The following P2RX7 variants were observed in gnomAD, a reference collection of about 807,000 sequenced individuals.
P2RX7 encodes purinergic receptor P2X 7.
A neutral mutation model predicts 71.6 loss-of-function variants in P2RX7; 62 were observed. The ratio of observed to expected loss-of-function variants is 0.87; its 90% CI spans 0.71 to 1.07. The LOEUF (loss-of-function observed/expected upper bound fraction) is 1.07. Ranked by LOEUF, P2RX7 falls within the 50% of genes least tolerant of loss-of-function variation. The pLI, the probability that P2RX7 is intolerant of heterozygous loss-of-function variation, is 0.00. For missense variants in P2RX7, 686 were observed against 748.5 expected, an observed-to-expected ratio of 0.92 and a Z score of 0.97; for synonymous variants, 299 against 283.3, an observed-to-expected ratio of 1.06 and a Z score of -0.56.
intron 9 of P2RX7, 75 bp from the exon 10 acceptor site, chr12:121,177,072 C>T: frequency 7.6e-7 from 1 of 1,319,764 alleles, no homozygotes; most frequent in African/African-American, 1.4e-5. Flanking sequence ...CCTGATAGAA[C>T]CAACAATTGC....
intron 8 of P2RX7, among the ~76,000 whole-genome samples, chr12:121,169,090 T>A (rs1881675291): frequency 1.3e-5 from 2 of 152,014 alleles, no homozygotes; most frequent in Admixed American, 1.3e-4. Flanking sequence ...CTCAGCCTCC[T>A]GAGTAGCTAG....
chr12:121,156,769 C>T (rs564645381), intron 3 of P2RX7, among the ~76,000 whole-genome samples: 45 of 152,300 alleles, frequency 3.0e-4, no homozygotes, highest in African/African-American at 1.0e-3. Flanking sequence ...GACTCCCTGC[C>T]ACCACCCCAG....
At chr12:121,147,847 A>G (rs1593025377) in intron 1 of P2RX7, among the ~76,000 whole-genome samples, 1 of 152,208 alleles carries the variant, frequency 6.6e-6, no homozygotes, top group Middle Eastern at 3.4e-3. Context: ...TCCTGGCCTC[A>G]ATTAATCTGC....
At chr12:121,183,726 C>T (rs2686381) in intron 12 of P2RX7, among the ~76,000 whole-genome samples, 2,144 of 152,040 alleles carry the variant, frequency 0.014, 47 homozygotes, top group African/African-American at 0.048. Flanking sequence ...CAAGAGGTGA[C>T]ATCTCAACAG....
At chr12:121,170,527 C>T (rs1881969132) in intron 8 of P2RX7, among the ~76,000 whole-genome samples, 1 of 152,198 alleles carries the variant, frequency 6.6e-6, no homozygotes, top group Non-Finnish European at 1.5e-5. Flanking sequence ...GTAATCCCAA[C>T]ACTTTGGGAG....
At chr12:121,155,179 C>T in intron 2 of P2RX7, 6 of 1,489,390 alleles carry the variant, frequency 4.0e-6, no homozygotes, top group Middle Eastern at 1.8e-4. Context: ...AAAATAGCCT[C>T]ATGTCCTGGT....
intron 3 of P2RX7, among the ~76,000 whole-genome samples, chr12:121,156,868 T>C (rs775291034): frequency 2.0e-5 from 3 of 152,182 alleles, no homozygotes; most frequent in African/African-American, 7.2e-5. Context: ...TTTGTTTTAT[T>C]CTGGGCTAGG....
intron 3 of P2RX7, among the ~76,000 whole-genome samples, chr12:121,160,124 C>G (rs1038643698): frequency 8.1e-5 from 12 of 148,744 alleles, no homozygotes; most frequent in African/African-American, 3.0e-4. Context: ...TTCTTTCTTT[C>G]TTTTTCTTTC....
intron 11 of P2RX7, among the ~76,000 whole-genome samples, chr12:121,177,687 CATTTATTTATTTATTT>C (rs140201550): frequency 0.024 from 3,352 of 142,422 alleles, 109 homozygotes; most frequent in African/African-American, 0.075. Flanking sequence ...CCAATTTTGT[CATTTATTTATTTATTT>C]ATTTATTTAT....
intron 11 of P2RX7, among the ~76,000 whole-genome samples, chr12:121,180,147 C>CA (rs60397642): frequency 0.064 from 4,137 of 64,264 alleles, 399 homozygotes; most frequent in African/African-American, 0.2. Flanking sequence ...AACTCCAACT[C>CA]AAAAAAAAAA....
rs566391480 is a variant in P2RX7, at chr12:121,143,470, C to T, written c.125+10375C>T. Among the ~76,000 whole-genome samples, 182 of 151,894 alleles carry T rather than the reference C, an allele frequency of 1.2e-3. 1 individual carries two copies. Among genetic ancestry groups the T allele is most frequent in the Non-Finnish European group, 2.2e-3 (146 of 67,894 alleles). On this transcript the variant is annotated intron_variant, in intron 1 of 12. Transcript: ENST00000328963. Reference sequence around the variant, plus strand: ...TGGGAAGGCTGAGGTGGGAGGATTGCTTGATCCTGGGAGGTTGAGGCTGCA... The same window carrying T: ...TGGGAAGGCTGAGGTGGGAGGATTGTTTGATCCTGGGAGGTTGAGGCTGCA...
At chr12:121,143,454 T>C (rs957255677) in intron 1 of P2RX7, among the ~76,000 whole-genome samples, 3 of 151,290 alleles carry the variant, frequency 2.0e-5, no homozygotes, top group Non-Finnish European at 2.9e-5. Flanking sequence ...CTGGGAAGGC[T>C]GAGGTGGGAG....
intron 1 of P2RX7, among the ~76,000 whole-genome samples, chr12:121,143,796 G>A (rs889536876): frequency 6.6e-6 from 1 of 152,162 alleles, no homozygotes; most frequent in Admixed American, 6.6e-5. Flanking sequence ...AGGTTGCAGT[G>A]AGCCGAGGTC....
chr12:121,142,181 T>G (rs1875038813), intron 1 of P2RX7, among the ~76,000 whole-genome samples: 1 of 152,224 alleles, frequency 6.6e-6, no homozygotes, highest in Admixed American at 6.5e-5. Flanking sequence ...CAGTGGAAAC[T>G]AATACAGTCC....
intron 12 of P2RX7, among the ~76,000 whole-genome samples, chr12:121,182,151 A>C (rs932843297): frequency 9.9e-5 from 15 of 151,100 alleles, no homozygotes; most frequent in Admixed American, 8.6e-4. Context: ...GTACTGATTG[A>C]TTTTCAAATA....
At chr12:121,152,600 A>G (rs1877679386) in intron 1 of P2RX7, among the ~76,000 whole-genome samples, 1 of 152,024 alleles carries the variant, frequency 6.6e-6, no homozygotes, top group Admixed American at 6.5e-5. Flanking sequence ...GCTCACCACA[A>G]CCTCCATCTC....
At chr12:121,156,035 C>G (rs1878502583) in intron 2 of P2RX7, 44 bp from the exon 3 acceptor site, 1 of 1,528,784 alleles carries the variant, frequency 6.5e-7, no homozygotes, top group East Asian at 2.2e-5. Context: ...AAGTAGTTCT[C>G]TTTTCAAAGG....
chr12:121,181,201 T>G (rs888859553), intron 12 of P2RX7, among the ~76,000 whole-genome samples: 1 of 152,190 alleles, frequency 6.6e-6, no homozygotes, highest in Non-Finnish European at 1.5e-5. Flanking sequence ...CTGGCTTCCT[T>G]TACTCAACAT....
At chr12:121,135,102 A>G (rs1055385046) in intron 1 of P2RX7, among the ~76,000 whole-genome samples, 13 of 152,228 alleles carry the variant, frequency 8.5e-5, no homozygotes, top group Non-Finnish European at 1.3e-4. Flanking sequence ...ACACTTTGGG[A>G]GGCCAAGGCG....
Sources: allele counts gnomAD v4.1 joint callset (sites outside exome capture counted in the v4.1 genomes callset), GRCh38; gene constraint gnomAD v4.1.1; transcripts MANE v1.5; gene names NCBI Gene and HGNC (gene_info 2026-07-23, HGNC 2026-07-21).